The following LNP1 variants were observed in gnomAD, a reference collection of about 807,000 sequenced individuals.
LNP1 encodes the protein leukemia NUP98 fusion partner 1.
LNP1 carries 12 observed loss-of-function variants against 14.5 expected under a neutral mutation model. The observed-to-expected ratio is 0.83, with a 90% CI of 0.53 to 1.34. The LOEUF (loss-of-function observed/expected upper bound fraction) is 1.34, where lower values mean the gene tolerates loss of function less well. LNP1 is among the 40% of genes most tolerant of loss of function. The pLI is 0.00. For missense variants in LNP1, 198 were observed against 210.9 expected (o/e 0.94, Z 0.38); for synonymous variants, 75 against 71.4 (o/e 1.05, Z -0.26).
At chr3:100,431,605 G>A (rs1218999547) in intron 2 of LNP1, among the ~76,000 whole-genome samples, 4 of 152,038 alleles carry the variant, frequency 2.6e-5, no homozygotes, top group Non-Finnish European at 5.9e-5. Flanking sequence ...AAGTAGTTGG[G>A]GAGTCTAATT....
intron 2 of LNP1, among the ~76,000 whole-genome samples, chr3:100,441,191 G>T (rs372297437): frequency 6.6e-6 from 1 of 152,242 alleles, no homozygotes; most frequent in African/African-American, 2.4e-5. Context: ...GGAAGGTGCG[G>T]TGGTAGCAAG....
chr3:100,434,147 A>G (rs1327321566), intron 2 of LNP1, among the ~76,000 whole-genome samples: 3 of 152,180 alleles, frequency 2.0e-5, no homozygotes, highest in Non-Finnish European at 4.4e-5. Flanking sequence ...GCCCACGCCT[A>G]TGTCCTGAAT....
At chr3:100,447,614 TAA>T (rs34835983) in intron 2 of LNP1, among the ~76,000 whole-genome samples, 2 of 150,730 alleles carry the variant, frequency 1.3e-5, no homozygotes, top group Non-Finnish European at 3.0e-5. Context: ...AAAAAAGAAT[TAA>T]AAAAAAAATC....
At chr3:100,440,966 T>G (rs1405770981) in intron 2 of LNP1, among the ~76,000 whole-genome samples, 1 of 152,096 alleles carries the variant, frequency 6.6e-6, no homozygotes, top group Non-Finnish European at 1.5e-5. Context: ...AGTAGGGTTG[T>G]GGATGAGGTC....
At chr3:100,403,467 GT>G (rs1212779886) in intron 1 of LNP1, among the ~76,000 whole-genome samples, 121 of 144,278 alleles carry the variant, frequency 8.4e-4, no homozygotes, top group African/African-American at 1.5e-3. Context: ...GAAGACCTGA[GT>G]TTTTTTTTTT....
intron 1 of LNP1, among the ~76,000 whole-genome samples, chr3:100,419,956 T>C (rs565572346): frequency 3.3e-5 from 5 of 152,324 alleles, no homozygotes; most frequent in African/African-American, 1.2e-4. Context: ...GCAAACTATT[T>C]TTCAAAGTGG....
chr3:100,415,524 G>C (rs1251802120), intron 1 of LNP1, among the ~76,000 whole-genome samples: 1 of 152,152 alleles, frequency 6.6e-6, no homozygotes, highest in Non-Finnish European at 1.5e-5. Flanking sequence ...ATTGTAAATT[G>C]ATTGAACTAC....
At chr3:100,405,966 G>T (rs1292250271) in intron 1 of LNP1, among the ~76,000 whole-genome samples, 1 of 152,022 alleles carries the variant, frequency 6.6e-6, no homozygotes, top group Non-Finnish European at 1.5e-5. Context: ...TTTGGTCTAC[G>T]ATATTAGCAC....
At chr3:100,425,802 CTG>C (rs1707186785) in intron 1 of LNP1, among the ~76,000 whole-genome samples, 1 of 152,186 alleles carries the variant, frequency 6.6e-6, no homozygotes, top group Non-Finnish European at 1.5e-5. Context: ...AATTTTCAGA[CTG>C]TGTTTACATT....
At chr3:100,415,757 T>C (rs780879643) in intron 1 of LNP1, among the ~76,000 whole-genome samples, 1 of 152,184 alleles carries the variant, frequency 6.6e-6, no homozygotes, top group Non-Finnish European at 1.5e-5. Flanking sequence ...TGGATTATTA[T>C]AAAGATAACA....
At position 100,456,094 on chromosome 3, in the gene LNP1, C is replaced by T. The variant is rs757866052; in HGVS notation, c.*168C>T. On this transcript the variant is annotated 3_prime_UTR_variant, in exon 4 of 4. Transcript: ENST00000383693. ...GCAGTGGGCAGGGTATGTAGCTGCT[C>T]CAAGATGACTTGCATCATACCCCAA... The T allele has an allele frequency of 4.5e-5, 27 of 602,382 alleles. No individual in the cohort carries two copies. Among genetic ancestry groups the T allele is most frequent in the Non-Finnish European group, 7.2e-5 (25 of 348,028 alleles). 37.3% of individuals were successfully genotyped at this position (602,382 alleles called of 1,614,324 possible).
chr3:100,435,876 T>A (rs1428178828), intron 2 of LNP1, among the ~76,000 whole-genome samples: 1 of 152,158 alleles, frequency 6.6e-6, no homozygotes, highest in Non-Finnish European at 1.5e-5. Flanking sequence ...GCCCTATTCA[T>A]GAAAAGATCT....
intron 1 of LNP1, among the ~76,000 whole-genome samples, chr3:100,413,912 GC>G (rs1276179531): frequency 6.6e-6 from 1 of 152,186 alleles, no homozygotes; most frequent in African/African-American, 2.4e-5. Context: ...GAACCTGAGA[GC>G]CTCTAGTCTG....
intron 1 of LNP1, among the ~76,000 whole-genome samples, chr3:100,423,301 C>T (rs190923276): frequency 4.6e-5 from 7 of 151,782 alleles, no homozygotes; most frequent in Non-Finnish European, 7.4e-5. Context: ...AAAAGAAAAA[C>T]GAAATAAAAA....
At chr3:100,415,150 G>A (rs999527879) in intron 1 of LNP1, among the ~76,000 whole-genome samples, 1 of 152,104 alleles carries the variant, frequency 6.6e-6, no homozygotes, top group Admixed American at 6.5e-5. Flanking sequence ...ATCAGTTTGG[G>A]TACATTAAAA....
chr3:100,451,280 C>T (rs541463048), intron 2 of LNP1, among the ~76,000 whole-genome samples: 94 of 152,214 alleles, frequency 6.2e-4, no homozygotes, highest in African/African-American at 2.1e-3. Context: ...AGACATGAGA[C>T]GTCAGTCAAC....
intron 3 of LNP1, among the ~76,000 whole-genome samples, chr3:100,452,585 GA>G (rs963307006): frequency 1.3e-5 from 2 of 150,206 alleles, no homozygotes; most frequent in Admixed American, 6.6e-5. Context: ...TTTGGAAAAA[GA>G]AAAAAAAACT....
intron 2 of LNP1, among the ~76,000 whole-genome samples, chr3:100,430,144 A>G (rs1707229168): frequency 6.6e-6 from 1 of 152,184 alleles, no homozygotes. Flanking sequence ...AGCTCCTGAT[A>G]AGCCTGAGAT....
intron 1 of LNP1, among the ~76,000 whole-genome samples, chr3:100,422,803 C>CTTTTTTTTT (rs557593118): frequency 1.4e-5 from 1 of 69,054 alleles, no homozygotes; most frequent in Non-Finnish European, 2.8e-5. Flanking sequence ...TTTGTCTCCT[C>CTTTTTTTTT]TTTTTTTTTT....
Sources: gnomAD v4.1 joint callset for allele counts (sites outside exome capture counted in the v4.1 genomes callset) on GRCh38, gnomAD v4.1.1 for gene constraint, MANE v1.5 for transcripts, NCBI Gene and HGNC (gene_info 2026-07-23, HGNC 2026-07-21) for gene names.